The following DNM1L variants were observed in gnomAD, a reference collection of about 807,000 sequenced individuals.
The protein encoded by DNM1L is dynamin-1-like protein.
In DNM1L, 33 loss-of-function variants were observed where a neutral mutation model predicts 92.8. That is an observed-to-expected ratio of 0.36 (90% CI 0.27 to 0.48). DNM1L has a LOEUF of 0.48. Among genes scored for constraint, DNM1L ranks in the 20% least tolerant of loss-of-function variants. The probability of loss-of-function intolerance (pLI) is 0.99; values close to 1 mark genes in which losing one functional copy is unlikely to be tolerated. For synonymous variants in DNM1L, 284 were observed against 305.0 expected, an observed-to-expected ratio of 0.93 and a Z score of 0.72; for missense variants, 485 against 888.8, an observed-to-expected ratio of 0.55 and a Z score of 5.78.
At chr12:32,716,097 G>A (rs1405395914) in intron 6 of DNM1L, among the ~76,000 whole-genome samples, 3 of 152,030 alleles carry the variant, frequency 2.0e-5, no homozygotes, top group Admixed American at 6.6e-5. Flanking sequence ...ACAAGAACAC[G>A]GATGAATCTC....
rs1955552246 is a variant in DNM1L, at chr12:32,744,933, A to G, written c.*1523A>G. 1 of 518,368 alleles carries G rather than the reference A, an allele frequency of 1.9e-6. No individual in the cohort carries two copies. The highest frequency in any genetic ancestry group is 1.9e-5 in the African/African-American group (1 of 51,938). The allele number at this position is 518,368 out of a possible 1,614,324, so 32.1% of individuals were successfully genotyped here. On this transcript the variant is annotated 3_prime_UTR_variant, in exon 20 of 20. Transcript: ENST00000549701. ...CCCGTCTCTAATAGACAACACATTT[A>G]TATTGCAGATATTACTTTTTTTTCA...
At chr12:32,695,445 T>TA (rs1287576587) in intron 1 of DNM1L, among the ~76,000 whole-genome samples, 1 of 151,948 alleles carries the variant, frequency 6.6e-6, no homozygotes, top group Non-Finnish European at 1.5e-5. Flanking sequence ...TAAGAAAAAT[T>TA]AAAAAATTAA....
intron 7 of DNM1L, among the ~76,000 whole-genome samples, chr12:32,719,109 C>A (rs1953685923): frequency 6.6e-6 from 1 of 152,022 alleles, no homozygotes; most frequent in Non-Finnish European, 1.5e-5. Context: ...TATCACCACA[C>A]CTGGCTAATT....
At position 32,742,632 on chromosome 12, in the gene DNM1L, GAC is replaced by G; in HGVS notation, c.2041_2042del (p.Thr681SerfsTer4). 1 of 1,614,122 alleles carries G rather than the reference GAC, an allele frequency of 6.2e-7. No individual in the cohort carries two copies. Among genetic ancestry groups the G allele is most frequent in the Non-Finnish European group, 8.5e-7 (1 of 1,180,022 alleles). On this transcript the variant is annotated frameshift_variant, in exon 19 of 20. Transcript: ENST00000549701. LOFTEE classifies it high-confidence loss of function. ...VMHFLVNHVKDTLQSELVGQL... is the reference protein window; with the variant it reads ...VMHFLVNHVKXTLQSELVGQL... ...GCATTTTTTGGTTAATCATGTGAAA[GAC>G]ACTCTTCAGAGTGAGCTAGTAGGCC...
intron 2 of DNM1L, 136 bp from the exon 3 acceptor site, chr12:32,707,231 A>C (rs549240545): frequency 3.1e-6 from 2 of 634,932 alleles, no homozygotes; most frequent in South Asian, 4.5e-5. Flanking sequence ...GCAGACCTTA[A>C]AATACTTGTT....
intron 9 of DNM1L, chr12:32,725,258 A>G (rs1323384316): frequency 1.3e-5 from 2 of 152,178 alleles, no homozygotes; most frequent in African/African-American, 4.8e-5. Context: ...TGTATTTGAA[A>G]TTTTTATTTT....
intron 9 of DNM1L, among the ~76,000 whole-genome samples, chr12:32,723,154 T>C (rs1953882943): frequency 6.6e-6 from 1 of 151,714 alleles, no homozygotes; most frequent in Admixed American, 6.6e-5. Context: ...TTTTTTTAAT[T>C]GAATCCAAAT....
rs770049591 is a variant in DNM1L, at chr12:32,713,209, G to T, written c.457G>T (p.Val153Leu). The T allele has an allele frequency of 6.2e-7, 1 of 1,613,660 alleles. No individual in the cohort carries two copies. The highest frequency in any genetic ancestry group is 8.5e-7 in the Non-Finnish European group (1 of 1,179,874). The change falls in exon 6 of 20, where the codon GTG (valine) becomes TTG (leucine). Residue 153 changes from valine (V) to leucine (L), a missense_variant and splice_region_variant. Val to Leu is a conservative substitution (Grantham distance 32, BLOSUM62 1). Around this residue, in one of 11 missense-constraint regions of DNM1L, gnomAD observed 159 missense variants for 275.9 expected, o/e 0.58. Transcript: ENST00000549701. ...TLVDLPGMTK[V>L]PVGDQPKDIE... ...CCTTGCTCATCTCTGTTTGGTTTAG[G>T]TGCCTGTAGGTGATCAACCTAAGGA...
At chr12:32,682,802 A>ATTCCCT in intron 1 of DNM1L, among the ~76,000 whole-genome samples, 1 of 152,180 alleles carries the variant, frequency 6.6e-6, no homozygotes, top group Non-Finnish European at 1.5e-5. Flanking sequence ...AGGTGAGGGA[A>ATTCCCT]TCCTGTTTAC....
Position 32,722,528 on chromosome 12 carries a change from C to T in DNM1L, c.974C>T (p.Pro325Leu). 1 of 1,613,358 alleles carries T rather than the reference C, an allele frequency of 6.2e-7. No individual in the cohort carries two copies. Among genetic ancestry groups the T allele is most frequent in the Non-Finnish European group, 8.5e-7 (1 of 1,179,898 alleles). Residue 325 changes from proline (P) to leucine (L), a missense_variant, in exon 9 of 20, where the codon CCC becomes CTC. Coordinates refer to ENST00000549701, the MANE Select transcript of DNM1L (RefSeq NM_012062.5). ...YQSLLNSYGE[P>L]VDDKSATLLQ... ...TCTCTTCTAAATAGCTACGGTGAAC[C>T]CGTGGATGATAAAAGTGCTACTTTA...
Position 32,745,363 on chromosome 12 carries a change from A to G in DNM1L, c.*1953A>G, listed in dbSNP as rs572824074. On this transcript the variant is annotated 3_prime_UTR_variant, in exon 20 of 20. Coordinates refer to ENST00000549701, the MANE Select transcript of DNM1L (RefSeq NM_012062.5). ...TCAAATTGAAAATTAAAGACATGCT[A>G]TGGTAATGCACTTGCTAGTACTACA... 6 of 229,840 alleles carry G rather than the reference A, an allele frequency of 2.6e-5. No individual in the cohort carries two copies. The highest frequency in any genetic ancestry group is 5.1e-5 in the Non-Finnish European group (6 of 117,704). The allele number at this position is 229,840 out of a possible 1,614,324, so 14.2% of individuals were successfully genotyped here.
rs914366818 is a variant in DNM1L, at chr12:32,708,316, C to T, written c.369+92C>T. On this transcript the variant is annotated intron_variant, in intron 4 of 19. Transcript: ENST00000549701. ...TAATATGTGAAGGGCATTGTAAATT[C>T]CTACTCTTGATCTTAGCCAAAAGGC... 3 of 839,558 alleles carry T rather than the reference C, an allele frequency of 3.6e-6. No individual in the cohort carries two copies. In the African/African-American group the frequency reaches 5.1e-5, roughly 14 times the overall value. 52.0% of individuals were successfully genotyped at this position (839,558 alleles called of 1,614,324 possible).
chr12:32,726,681 G>GT, intron 9 of DNM1L: 2 of 679,372 alleles, frequency 2.9e-6, no homozygotes, highest in African/African-American at 1.8e-5. Flanking sequence ...ATTGGAAACT[G>GT]TTTTAGTCAC....
At chr12:32,710,117 G>C (rs556215742) in intron 4 of DNM1L, among the ~76,000 whole-genome samples, 4 of 152,308 alleles carry the variant, frequency 2.6e-5, no homozygotes, top group African/African-American at 9.6e-5. Context: ...TAGAGGGCCA[G>C]TGGTGAAGAG....
intron 15 of DNM1L, 144 bp from the exon 16 acceptor site, chr12:32,738,120 T>C: frequency 9.0e-7 from 1 of 1,106,990 alleles, no homozygotes; most frequent in Middle Eastern, 2.9e-4. Flanking sequence ...GTTTATATTG[T>C]TGACATGCTT....
intron 6 of DNM1L, among the ~76,000 whole-genome samples, 193 bp from the exon 7 acceptor site, chr12:32,718,450 T>C (rs1288227358): frequency 6.6e-6 from 1 of 152,088 alleles, no homozygotes; most frequent in Non-Finnish European, 1.5e-5. Context: ...CAAAAATGTT[T>C]TAAAAAATTA....
At chr12:32,680,211 A>AT (rs1450006119) in intron 1 of DNM1L, among the ~76,000 whole-genome samples, 1,508 of 150,570 alleles carry the variant, frequency 0.01, 29 homozygotes, top group African/African-American at 0.034. Context: ...TAGCTAACTC[A>AT]TTTTTTTTTG....
intron 12 of DNM1L, among the ~76,000 whole-genome samples, chr12:32,732,365 C>A (rs1954610076): frequency 2.0e-5 from 3 of 152,234 alleles, no homozygotes; most frequent in Admixed American, 1.3e-4. Flanking sequence ...CTTGTTATGA[C>A]CTAATAACTA....
At position 32,744,610 on chromosome 12, in the gene DNM1L, G is replaced by T; in HGVS notation, c.*1200G>T. 1 of 256,254 alleles carries T rather than the reference G, an allele frequency of 3.9e-6. No homozygotes were observed. The highest frequency in any genetic ancestry group is 7.6e-6 in the Non-Finnish European group (1 of 132,386). 15.9% of individuals were successfully genotyped at this position (256,254 alleles called of 1,614,324 possible). A position where few individuals can be genotyped will look rare whatever the true frequency, so the allele number is the denominator to read the frequency against. Reference sequence around the variant, plus strand: ...TGCCTGTAATCCCAGCTACTCGGGAGGGTGAGGCAGGAGAATTGCTTGACC... The same window carrying T: ...TGCCTGTAATCCCAGCTACTCGGGATGGTGAGGCAGGAGAATTGCTTGACC... On this transcript the variant is annotated 3_prime_UTR_variant, in exon 20 of 20. Transcript: ENST00000549701.
Sources: allele counts gnomAD v4.1 joint callset (sites outside exome capture counted in the v4.1 genomes callset), GRCh38; gene constraint gnomAD v4.1.1; regional missense constraint gnomAD v4.1.1; transcripts MANE v1.5; gene names NCBI Gene and HGNC (gene_info 2026-07-23, HGNC 2026-07-21).